Variants in RDH13 observed in about 807,000 individuals in gnomAD.
RDH13 encodes the protein retinol dehydrogenase 13.
Under a neutral mutation model 28.3 loss-of-function variants are expected in RDH13, and 35 were observed. The ratio of observed to expected loss-of-function variants is 1.24; its 90% CI spans 0.95 to 1.64. RDH13 has a LOEUF of 1.64. RDH13 is among the 40% of genes most tolerant of loss of function. The probability of loss-of-function intolerance (pLI) is 0.00; values close to 1 mark genes in which losing one functional copy is unlikely to be tolerated. For synonymous variants in RDH13, 229 were observed against 198.5 expected (o/e 1.15, Z -1.29); for missense variants, 514 against 446.3 (o/e 1.15, Z -1.37).
chr19:55,059,101 C>T, intron 2 of RDH13, 56 bp downstream of exon 2: 2 of 1,143,216 alleles, frequency 1.7e-6, no homozygotes, highest in South Asian at 2.7e-5. Context: ...AATAATGCTG[C>T]AGTGAGCATG....
rs1209334293 is a variant in RDH13, at chr19:55,048,500, C to G, written c.487G>C (p.Ala163Pro). The G allele has an allele frequency of 3.1e-6, 5 of 1,614,094 alleles. No homozygotes were observed. The Admixed American group carries it at 8.3e-5, about 27-fold the overall frequency. Residue 163 changes from alanine (A) to proline (P), a missense_variant, in exon 5 of 7, where the codon GCC (alanine) becomes CCC (proline). By Grantham distance (27) the Ala-to-Pro change is conservative (BLOSUM62 -1). Transcript: ENST00000415061. ...LTNLLLDKLK[A>P]SAPSRIINLS... ...TTGATGATCCGCGAAGGGGCTGAGG[C>G]TTTCAGCTTGTCCAGCAGCAAGTTT...
rs1377310076 is a variant in RDH13 at position 55,061,960 on chromosome 19, A to G, written c.65+1008T>C. Among the ~76,000 whole-genome samples the G allele has an allele frequency of 2.6e-5, 4 of 152,064 alleles. 1 individual carries two copies. Among genetic ancestry groups the G allele is most frequent in the Non-Finnish European group, 5.9e-5 (4 of 67,988 alleles). ...TGGAGAAACCTCGTCTCTACTAAAA[A>G]TACAAAATTAGACAGGCGTGGTGGC... On this transcript the variant is annotated intron_variant, in intron 1 of 6. Transcript: ENST00000415061.
Position 55,044,970 on chromosome 19 carries a change from G to A in RDH13, c.*104C>T. On this transcript the variant is annotated 3_prime_UTR_variant, in exon 7 of 7. Coordinates refer to ENST00000415061, the MANE Select transcript of RDH13 (RefSeq NM_001145971.2). ...CCTACTGCGGGCATGGCGGCCGCCAGTCCTGGGTCTCCCGGCTCAGGTAGT... is the reference window on the plus strand; with the variant it reads ...CCTACTGCGGGCATGGCGGCCGCCAATCCTGGGTCTCCCGGCTCAGGTAGT... The A allele has an allele frequency of 3.4e-6, 3 of 878,524 alleles. No homozygotes were observed. Among genetic ancestry groups the A allele is most frequent in the Non-Finnish European group, 5.2e-6 (3 of 574,004 alleles). The allele number at this position is 878,524 out of a possible 1,614,324, so 54.4% of individuals were successfully genotyped here.
intron 3 of RDH13, among the ~76,000 whole-genome samples, chr19:55,052,944 G>GC (rs2075502827): frequency 1.1e-5 from 1 of 93,590 alleles, no homozygotes; most frequent in Middle Eastern, 6.6e-3. Flanking sequence ...TTACAGGCGT[G>GC]AGCCTGCACG....
intron 6 of RDH13, among the ~76,000 whole-genome samples, chr19:55,045,647 G>GTGCAT (rs1398995029): frequency 6.6e-6 from 1 of 152,090 alleles, no homozygotes; most frequent in Non-Finnish European, 1.5e-5. Context: ...CCAGCCTCAG[G>GTGCAT]TTAAGGATCT....
At chr19:55,046,626 A>T (rs1422902516) in intron 6 of RDH13, 1 of 152,122 alleles carries the variant, frequency 6.6e-6, no homozygotes, top group Admixed American at 6.6e-5. Flanking sequence ...AACACTAGTC[A>T]TAAAGCATGA....
chr19:55,055,744 TTGGGAGGCTGAAG>T (rs2075610241), intron 3 of RDH13, among the ~76,000 whole-genome samples: 1 of 151,854 alleles, frequency 6.6e-6, no homozygotes, highest in Non-Finnish European at 1.5e-5. Context: ...TCCCAGCTAC[TTGGGAGGCTGAAG>T]TGGGAGGATC....
chr19:55,050,981 TTC>T (rs1337221270), intron 3 of RDH13: 6 of 146,126 alleles, frequency 4.1e-5, no homozygotes, highest in East Asian at 2.0e-4. Context: ...GTCACATCAC[TTC>T]TCTGTGACTC....
At chr19:55,055,276 C>T (rs1257618108) in intron 3 of RDH13, among the ~76,000 whole-genome samples, 1 of 152,004 alleles carries the variant, frequency 6.6e-6, no homozygotes, top group East Asian at 2.0e-4. Context: ...CCTCAGCACC[C>T]TGAGTAGCTG....
At chr19:55,058,736 C>G (rs141313731) in intron 2 of RDH13, among the ~76,000 whole-genome samples, 16 of 151,986 alleles carry the variant, frequency 1.1e-4, no homozygotes, top group Non-Finnish European at 1.8e-4. Context: ...GCTGGAGTGC[C>G]GTGGCGCCAT....
chr19:55,058,473 A>G (rs1371626758), intron 2 of RDH13, among the ~76,000 whole-genome samples: 1 of 151,900 alleles, frequency 6.6e-6, no homozygotes, highest in Non-Finnish European at 1.5e-5. Context: ...ATCTTGCCAA[A>G]CTAAACTTCC....
At chr19:55,053,341 TCA>T (rs2075519967) in intron 3 of RDH13, among the ~76,000 whole-genome samples, 2 of 152,108 alleles carry the variant, frequency 1.3e-5, no homozygotes, top group East Asian at 1.9e-4. Context: ...GCTAAAAAAG[TCA>T]CAGACACAGC....
downstream of RDH13, chr19:55,042,200 A>G (rs1479128834): frequency 6.7e-6 from 1 of 150,268 alleles, no homozygotes; most frequent in Non-Finnish European, 1.5e-5. Flanking sequence ...TCCTTTGCTC[A>G]TTTATCAAAC....
At chr19:55,049,399 T>G (rs2075354869) in intron 3 of RDH13, among the ~76,000 whole-genome samples, 1 of 152,142 alleles carries the variant, frequency 6.6e-6, no homozygotes, top group African/African-American at 2.4e-5. Flanking sequence ...CAGCCTCAGT[T>G]TCCTCAGCTG....
At chr19:55,065,173 C>G (rs1304933977), upstream of RDH13, among the ~76,000 whole-genome samples, 1 of 151,050 alleles carries the variant, frequency 6.6e-6, no homozygotes, top group Non-Finnish European at 1.5e-5. Context: ...TAGTATGAGC[C>G]CAGGAGTTTG....
rs142606303 is a variant in RDH13, at chr19:55,047,438, G to A, written c.709C>T (p.Leu237=). Reference sequence around the variant, plus strand: ...CCATGGATGCCCGTGTGTCTGCCCAGCTCTGTCCTGGCCACGCCGGGGTGC... The same window carrying A: ...CCATGGATGCCCGTGTGTCTGCCCAACTCTGTCCTGGCCACGCCGGGGTGC... ...ALHPGVARTE[L]GRHTGIHGST... Residue 237 remains leucine, a synonymous_variant, in exon 6 of 7, where the codon CTG becomes TTG. Transcript: ENST00000415061. 7,296 of 1,611,140 alleles carry A rather than the reference G, an allele frequency of 4.5e-3. 29 individuals carry two copies. Among genetic ancestry groups the A allele is most frequent in the Non-Finnish European group, 5.5e-3 (6,545 of 1,179,926 alleles).
intron 2 of RDH13, among the ~76,000 whole-genome samples, chr19:55,057,815 T>A (rs1336702562): frequency 1.4e-4 from 18 of 125,666 alleles, no homozygotes; most frequent in Non-Finnish European, 3.3e-4. Flanking sequence ...TTATTATTAT[T>A]TTTTTTTTTT....
chr19:55,068,144 CCTGT>C (rs931642268), upstream of RDH13, among the ~76,000 whole-genome samples: 5 of 147,648 alleles, frequency 3.4e-5, no homozygotes, highest in Admixed American at 3.4e-4. Context: ...TCTCTTTCTC[CCTGT>C]CTCTCTCTTC....
At chr19:55,043,929 T>C (rs201005232), downstream of RDH13, among the ~76,000 whole-genome samples, 1 of 138,620 alleles carries the variant, frequency 7.2e-6, no homozygotes, top group African/African-American at 2.7e-5. Flanking sequence ...ACTTTTTTTT[T>C]TTTTTGAGAC....
Sources: gnomAD v4.1 joint callset for allele counts (sites outside exome capture counted in the v4.1 genomes callset) on GRCh38, gnomAD v4.1.1 for gene constraint, MANE v1.5 for transcripts, NCBI Gene and HGNC (gene_info 2026-07-23, HGNC 2026-07-21) for gene names.